C1QTNF7: variants seen among roughly 807,000 people sequenced by gnomAD.
C1QTNF7 encodes C1q and TNF related 7, also known as complement C1q tumor necrosis factor-related protein 7.
In C1QTNF7, 15 loss-of-function variants were observed where a neutral mutation model predicts 19.6. The ratio of observed to expected loss-of-function variants is 0.76; its 90% confidence interval spans 0.51 to 1.18. The LOEUF (loss-of-function observed/expected upper bound fraction) is 1.18. C1QTNF7 is among the 50% of genes most tolerant of loss of function. The pLI is 0.00. For missense variants in C1QTNF7, 324 were observed against 359.7 expected, an observed-to-expected ratio of 0.90 and a Z score of 0.80; for synonymous variants, 142 against 137.5, an observed-to-expected ratio of 1.03 and a Z score of -0.23.
At chr4:15,396,358 C>A (rs924639714) in intron 1 of C1QTNF7, among the ~76,000 whole-genome samples, 1 of 152,144 alleles carries the variant, frequency 6.6e-6, no homozygotes, top group South Asian at 2.1e-4. Flanking sequence ...AGCACTGACA[C>A]AGAGGACCAT....
At chr4:15,380,050 A>G (rs896085697) in intron 1 of C1QTNF7, among the ~76,000 whole-genome samples, 1 of 152,172 alleles carries the variant, frequency 6.6e-6, no homozygotes, top group Non-Finnish European at 1.5e-5. Flanking sequence ...AGTGGACCCA[A>G]CTCTGTTGCA....
chr4:15,371,360 C>T (rs74892268), intron 1 of C1QTNF7, among the ~76,000 whole-genome samples: 1 of 152,332 alleles, frequency 6.6e-6, no homozygotes, highest in East Asian at 1.9e-4. Flanking sequence ...AGTCATACTG[C>T]TGCAGAAGAA....
chr4:15,420,201 T>C (rs2108924996), intron 1 of C1QTNF7, among the ~76,000 whole-genome samples: 1 of 152,316 alleles, frequency 6.6e-6, no homozygotes, highest in Middle Eastern at 3.4e-3. Context: ...CAAGGTGCCT[T>C]GTTCTCTCTC....
chr4:15,381,134 T>C (rs945064961), intron 1 of C1QTNF7, among the ~76,000 whole-genome samples: 3 of 151,416 alleles, frequency 2.0e-5, no homozygotes, highest in Admixed American at 1.3e-4. Flanking sequence ...TTAAAAATTA[T>C]TGGCCAGGCA....
intron 1 of C1QTNF7, among the ~76,000 whole-genome samples, chr4:15,398,827 T>C (rs1186733192): frequency 6.6e-6 from 1 of 152,218 alleles, no homozygotes; most frequent in African/African-American, 2.4e-5. Flanking sequence ...AAAGTATACT[T>C]GGAAGAAGGC....
At chr4:15,438,929 G>A (rs1230012401) in intron 2 of C1QTNF7, among the ~76,000 whole-genome samples, 4 of 152,170 alleles carry the variant, frequency 2.6e-5, no homozygotes, top group Admixed American at 6.5e-5. Flanking sequence ...ATAGATCCAC[G>A]GATAGATGGA....
chr4:15,445,965 A>G lies in C1QTNF7; in HGVS notation c.*3166A>G, dbSNP rs927749631. On this transcript the variant is annotated 3_prime_UTR_variant, in exon 3 of 3. Transcript: ENST00000444304. ...GAGGCTAATATAATGCTGTGTGTACATGAACATGAATGTGCCTGTGTTACA... is the reference window on the plus strand; with the variant it reads ...GAGGCTAATATAATGCTGTGTGTACGTGAACATGAATGTGCCTGTGTTACA... 2.6e-5 allele frequency: 4 copies of G among 152,222 alleles called. No individual in the cohort carries two copies. The highest frequency in any genetic ancestry group is 5.9e-5 in the Non-Finnish European group (4 of 68,034). The allele number at this position is 152,222 out of a possible 1,614,324, so 9.4% of individuals were successfully genotyped here. A position where few individuals can be genotyped will look rare whatever the true frequency, so the allele number is the denominator to read the frequency against.
chr4:15,425,342 G>A (rs990024768), upstream of C1QTNF7, among the ~76,000 whole-genome samples: 4 of 152,178 alleles, frequency 2.6e-5, no homozygotes, highest in Non-Finnish European at 5.9e-5. Flanking sequence ...GGAGAAGACA[G>A]GGTTGTGCCT....
At chr4:15,377,563 A>C (rs1487794205) in intron 1 of C1QTNF7, among the ~76,000 whole-genome samples, 1 of 152,182 alleles carries the variant, frequency 6.6e-6, no homozygotes, top group Non-Finnish European at 1.5e-5. Context: ...TGTTGAATAT[A>C]ATATCTTCAA....
At chr4:15,437,374 G>C (rs1577284020) in intron 2 of C1QTNF7, among the ~76,000 whole-genome samples, 1 of 152,022 alleles carries the variant, frequency 6.6e-6, no homozygotes, top group African/African-American at 2.4e-5. Flanking sequence ...TTAAGGGAAA[G>C]AGTACATGCA....
At position 15,442,358 on chromosome 4, in the gene C1QTNF7, C is replaced by T. The variant is rs769303337; in HGVS notation, c.429C>T (p.Ser143=). The T allele has an allele frequency of 3.1e-6, 5 of 1,614,138 alleles. No individual in the cohort carries two copies. The highest frequency in any genetic ancestry group is 4.2e-6 in the Non-Finnish European group (5 of 1,180,034). ...PGLPGVCRCG[S]IVLKSAFSVG... is the part of the protein sequence containing the mutation. ...TGCCTGGAGTTTGCAGATGTGGAAGCATCGTGCTCAAATCCGCCTTTTCTG... is the reference window on the plus strand; with the variant it reads ...TGCCTGGAGTTTGCAGATGTGGAAGTATCGTGCTCAAATCCGCCTTTTCTG... Residue 143 remains serine, a synonymous_variant, in exon 3 of 3, where the codon AGC becomes AGT. Transcript: ENST00000444304.
At chr4:15,412,685 A>C (rs1333851833) in intron 1 of C1QTNF7, among the ~76,000 whole-genome samples, 1 of 152,206 alleles carries the variant, frequency 6.6e-6, no homozygotes, top group African/African-American at 2.4e-5. Context: ...TGGGATGAGA[A>C]CTAGACATCT....
chr4:15,437,961 G>T (rs1474501547), intron 2 of C1QTNF7, among the ~76,000 whole-genome samples: 1 of 152,116 alleles, frequency 6.6e-6, no homozygotes, highest in Non-Finnish European at 1.5e-5. Context: ...CACTGGGAAC[G>T]CAAGCATAAG....
chr4:15,402,765 T>C (rs531141902), intron 1 of C1QTNF7, among the ~76,000 whole-genome samples: 2 of 152,288 alleles, frequency 1.3e-5, no homozygotes, highest in Non-Finnish European at 2.9e-5. Flanking sequence ...ATTCCTTCAG[T>C]TGGATTCTAG....
chr4:15,389,362 G>A (rs1718467907), intron 1 of C1QTNF7, among the ~76,000 whole-genome samples: 1 of 152,152 alleles, frequency 6.6e-6, no homozygotes, highest in South Asian at 2.1e-4. Context: ...CACAAACCAT[G>A]ACAGGTCTGT....
intron 1 of C1QTNF7, chr4:15,419,860 A>T (rs1416056101): frequency 6.6e-6 from 1 of 151,986 alleles, no homozygotes; most frequent in Non-Finnish European, 1.5e-5. Flanking sequence ...AAACAAACCA[A>T]ATCTGTGCCT....
upstream of C1QTNF7, among the ~76,000 whole-genome samples, chr4:15,426,546 C>A (rs1038570194): frequency 6.6e-6 from 1 of 152,112 alleles, no homozygotes; most frequent in African/African-American, 2.4e-5. Flanking sequence ...ATACAAAAAA[C>A]CTTATTTTAT....
intron 1 of C1QTNF7, among the ~76,000 whole-genome samples, chr4:15,391,636 G>C (rs1718561284): frequency 6.6e-6 from 1 of 152,106 alleles, no homozygotes; most frequent in Admixed American, 6.5e-5. Flanking sequence ...TCTCCAAAGG[G>C]GGAGTAAAAA....
At chr4:15,366,800 C>T (rs1387287716) in intron 1 of C1QTNF7, among the ~76,000 whole-genome samples, 2 of 152,134 alleles carry the variant, frequency 1.3e-5, no homozygotes, top group Non-Finnish European at 2.9e-5. Flanking sequence ...AATGATCTAC[C>T]AACTAAGTGA....
Sources: gnomAD v4.1 joint callset for allele counts (sites outside exome capture counted in the v4.1 genomes callset) on GRCh38, gnomAD v4.1.1 for gene constraint, MANE v1.5 for transcripts, NCBI Gene and HGNC (gene_info 2026-07-23, HGNC 2026-07-21) for gene names.